The following ZNF507 variants were observed in gnomAD, a reference collection of about 807,000 sequenced individuals.
ZNF507 encodes the protein zinc finger protein 507.
Under a neutral mutation model 80.0 loss-of-function variants are expected in ZNF507, and 29 were observed. That is an observed-to-expected ratio of 0.36 (90% CI 0.27 to 0.49). The LOEUF (loss-of-function observed/expected upper bound fraction) is 0.49. ZNF507 is among the 20% of genes least tolerant of loss of function. The probability of loss-of-function intolerance (pLI) is 0.98; values close to 1 mark genes in which losing one functional copy is unlikely to be tolerated. For synonymous variants in ZNF507, 462 were observed against 422.5 expected (o/e 1.09, Z -1.15); for missense variants, 1,081 against 1,152.2 (o/e 0.94, Z 0.90).
chr19:32,387,612 T>C lies in ZNF507; in HGVS notation c.*4529T>C, dbSNP rs1967706111. 1 of 152,244 alleles carries C rather than the reference T, an allele frequency of 6.6e-6. No individual in the cohort carries two copies. Among genetic ancestry groups the C allele is most frequent in the Non-Finnish European group, 1.5e-5 (1 of 68,044 alleles). 9.4% of individuals were successfully genotyped at this position (152,244 alleles called of 1,614,324 possible). ...AAGAATGGAAATGTATTAACAGTTT[T>C]TTATATTGATTACATGTTGAAATGA... On this transcript the variant is annotated 3_prime_UTR_variant, in exon 7 of 7. Coordinates refer to ENST00000355898, the MANE Select transcript of ZNF507 (RefSeq NM_001136156.2).
In ZNF507 at chr19:32,354,812, G is replaced by A. The variant is rs773257449; in HGVS notation, c.1982G>A (p.Arg661Gln). 27 of 1,614,006 alleles carry A rather than the reference G, an allele frequency of 1.7e-5. No individual in the cohort carries two copies. The highest frequency in any genetic ancestry group is 4.5e-5 in the East Asian group (2 of 44,888). Residue 661 changes from arginine to glutamine, a missense_variant, in exon 3 of 7, where the codon CGA (arginine) becomes CAA (glutamine). Arg to Gln is a conservative substitution (Grantham distance 43). This residue lies in a region of ZNF507 where 614 missense variants were observed against 583.9 expected (regional missense o/e 1.05). Transcript: ENST00000355898. ...GNKGYIKQHL[R>Q]VHRQRQPYQC... ...AAGGGCTACATCAAGCAGCACTTAC[G>A]AGTCCATCGACAGAGACAGCCTTAT...
At chr19:32,370,263 A>G (rs974780235) in intron 5 of ZNF507, among the ~76,000 whole-genome samples, 9 of 152,226 alleles carry the variant, frequency 5.9e-5, no homozygotes, top group Non-Finnish European at 1.0e-4. Context: ...CCTACACAGA[A>G]GAGGGATTTC....
chr19:32,360,402 A>G (rs1967305863), intron 4 of ZNF507, 102 bp from the exon 5 acceptor site: 1 of 546,218 alleles, frequency 1.8e-6, no homozygotes, highest in Non-Finnish European at 3.1e-6. Context: ...TGAAATATTA[A>G]TACAACTGTG....
chr19:32,370,145 C>T (rs1599555139), intron 5 of ZNF507, among the ~76,000 whole-genome samples: 2 of 152,324 alleles, frequency 1.3e-5, no homozygotes, highest in Non-Finnish European at 2.9e-5. Context: ...TTTCTTTATC[C>T]GTTTGTCCGT....
In ZNF507 at chr19:32,354,380, A is replaced by G; in HGVS notation, c.1550A>G (p.His517Arg). ...AAELTRANLG[H>R]YGDINLLDPD... ...GAGTTGACAAGAGCCAACCTGGGGCACTATGGAGATATAAACCTTTTAGAT... is the reference window on the plus strand; with the variant it reads ...GAGTTGACAAGAGCCAACCTGGGGCGCTATGGAGATATAAACCTTTTAGAT... The change falls in exon 3 of 7, where the codon CAC (histidine) becomes CGC (arginine). Residue 517 changes from histidine (H) to arginine (R), a missense_variant. Physicochemically the swap from His to Arg is conservative, Grantham distance 29. This residue lies in a region of ZNF507 where 614 missense variants were observed against 583.9 expected (regional missense o/e 1.05). Coordinates refer to ENST00000355898, the MANE Select transcript of ZNF507 (RefSeq NM_001136156.2). 1 of 1,614,186 alleles carries G rather than the reference A, an allele frequency of 6.2e-7. No homozygotes were observed. Among genetic ancestry groups the G allele is most frequent in the Non-Finnish European group, 8.5e-7 (1 of 1,180,034 alleles).
intron 5 of ZNF507, among the ~76,000 whole-genome samples, chr19:32,363,300 A>C (rs189143619): frequency 1.3e-5 from 2 of 152,252 alleles, no homozygotes; most frequent in African/African-American, 4.8e-5. Context: ...AAGAGCTACA[A>C]GGCCTTGTTG....
At chr19:32,356,873 T>G (rs1478765638) in intron 4 of ZNF507, 140 bp downstream of exon 4, 3 of 668,696 alleles carry the variant, frequency 4.5e-6, no homozygotes, top group Non-Finnish European at 8.0e-6. Context: ...GTGAATCTGA[T>G]CTCTGTTTCT....
intron 5 of ZNF507, among the ~76,000 whole-genome samples, chr19:32,368,833 C>G (rs566204649): frequency 7.9e-5 from 12 of 152,258 alleles, no homozygotes; most frequent in Middle Eastern, 3.4e-3. Flanking sequence ...AAGATAAGCT[C>G]TATTGCAAAA....
At position 32,374,362 on chromosome 19, in the gene ZNF507, T is replaced by G. The variant is rs551886287; in HGVS notation, c.2361-8105T>G. On this transcript the variant is annotated intron_variant, in intron 5 of 6. Transcript: ENST00000355898. ...CGGAATGTTAGTTTTGTGGCTTTAT[T>G]GAGTTATTATTTGTAACAGTTTTTA... 2.2e-3 allele frequency among the ~76,000 whole-genome samples: 331 copies of G among 152,326 alleles called. 2 individuals carry two copies. The highest frequency in any genetic ancestry group is 3.8e-3 in the Non-Finnish European group (258 of 68,026).
intron 5 of ZNF507, among the ~76,000 whole-genome samples, chr19:32,370,072 C>T (rs928785110): frequency 6.6e-6 from 1 of 152,200 alleles, no homozygotes; most frequent in Non-Finnish European, 1.5e-5. Context: ...CTTTTTAAGG[C>T]GGAATGATTG....
rs1272315080 is a variant in ZNF507 at position 32,354,672 on chromosome 19, C to CG, written c.1843dup (p.Ala615GlyfsTer24). 11 of 1,614,010 alleles carry CG rather than the reference C, an allele frequency of 6.8e-6. No homozygotes were observed. The highest frequency in any genetic ancestry group is 8.5e-6 in the Non-Finnish European group (10 of 1,180,042). On this transcript the variant is annotated frameshift_variant, in exon 3 of 7. Transcript: ENST00000355898. LOFTEE classifies it high-confidence loss of function. Reference sequence around the variant, plus strand: ...ACATTTTGAAAGAGTTGCAGGACAACGCCCAGTGCCAACCCAACAGCGATA... The same window carrying CG: ...ACATTTTGAAAGAGTTGCAGGACAACGGCCCAGTGCCAACCCAACAGCGATA...
chr19:32,371,495 ATG>A, intron 5 of ZNF507, among the ~76,000 whole-genome samples: 1 of 150,788 alleles, frequency 6.6e-6, no homozygotes, highest in Non-Finnish European at 1.5e-5. Context: ...AAAAAAAAAA[ATG>A]ACTGTGCCCG....
In ZNF507 at chr19:32,374,169, A is replaced by AACACAC. The variant is rs56820529; in HGVS notation, c.2361-8283_2361-8278dup. On this transcript the variant is annotated intron_variant, in intron 5 of 6. Transcript: ENST00000355898. ...CAGCTCGGAACCGTGCAAAGCAAGGAACACACACACACACACACACTCTCT... is the reference window on the plus strand; with the variant it reads ...CAGCTCGGAACCGTGCAAAGCAAGGAACACACACACACACACACACACACACTCTCT... Among the ~76,000 whole-genome samples, 785 of 149,616 alleles carry AACACAC rather than the reference A, an allele frequency of 5.2e-3. 5 individuals are homozygous for AACACAC. The highest frequency in any genetic ancestry group is 0.014 in the African/African-American group (550 of 40,518).
intron 5 of ZNF507, among the ~76,000 whole-genome samples, chr19:32,377,409 TTCCTAGGTTA>T (rs2145341628): frequency 6.6e-6 from 1 of 152,316 alleles, no homozygotes; most frequent in East Asian, 1.9e-4. Flanking sequence ...GGCCTGGTTT[TTCCTAGGTTA>T]TGATTATAGA....
In ZNF507 at chr19:32,372,232, A is replaced by G. The variant is rs543769166; in HGVS notation, c.2361-10235A>G. Among the ~76,000 whole-genome samples the G allele has an allele frequency of 4.3e-4, 66 of 152,342 alleles. 1 individual carries two copies. The highest frequency in any genetic ancestry group is 1.5e-3 in the African/African-American group (63 of 41,580). On this transcript the variant is annotated intron_variant, in intron 5 of 6. Coordinates refer to ENST00000355898, the MANE Select transcript of ZNF507 (RefSeq NM_001136156.2). ...GATTCTACTTTTGCTTCAGATCTACATATGTACATTAAAAAAGACCAGGAA... is the reference window on the plus strand; with the variant it reads ...GATTCTACTTTTGCTTCAGATCTACGTATGTACATTAAAAAAGACCAGGAA...
rs528239794 is a variant in ZNF507, at chr19:32,380,592, G to A, written c.2361-1875G>A. 1.8e-3 allele frequency: 2,752 copies of A among 1,535,246 alleles called. 3 individuals are homozygous for A. The highest frequency in any genetic ancestry group is 2.2e-3 in the Non-Finnish European group (2,569 of 1,146,572). On this transcript the variant is annotated intron_variant, in intron 5 of 6. Transcript: ENST00000355898. ...TTTGTGCCTCGTTATTGCTGACTGTGTCTCTTATTGGTGTAGGAAAGAGTT... is the reference window on the plus strand; with the variant it reads ...TTTGTGCCTCGTTATTGCTGACTGTATCTCTTATTGGTGTAGGAAAGAGTT...
Position 32,383,225 on chromosome 19 carries a change from C to A in ZNF507, c.*142C>A. 2.7e-6 allele frequency: 3 copies of A among 1,101,734 alleles called. No individual in the cohort carries two copies. The highest frequency in any genetic ancestry group is 3.8e-6 in the Non-Finnish European group (3 of 781,768). The allele number at this position is 1,101,734 out of a possible 1,614,324, so 68.2% of individuals were successfully genotyped here. ...GAAATGACAGATGTGACTTTGGAAC[C>A]AAACTTGTAATAAAAGGAATTCCAA... On this transcript the variant is annotated 3_prime_UTR_variant, in exon 7 of 7. Transcript: ENST00000355898.
intron 5 of ZNF507, among the ~76,000 whole-genome samples, chr19:32,364,081 A>G (rs571116705): frequency 1.4e-4 from 22 of 152,354 alleles, no homozygotes; most frequent in African/African-American, 5.3e-4. Context: ...TGAAGTACCC[A>G]GCATGTTACT....
intron 2 of ZNF507, among the ~76,000 whole-genome samples, chr19:32,351,419 CTGTGTGTGTGTGTGTG>C (rs5823): frequency 9.8e-4 from 52 of 52,840 alleles, no homozygotes; most frequent in South Asian, 5.0e-3. Flanking sequence ...AGCTGGTCAG[CTGTGTGTGTGTGTGTG>C]TGTGTGTGTG....
Sources: allele counts gnomAD v4.1 joint callset (sites outside exome capture counted in the v4.1 genomes callset), GRCh38; gene constraint gnomAD v4.1.1; regional missense constraint gnomAD v4.1.1; transcripts MANE v1.5; gene names NCBI Gene and HGNC (gene_info 2026-07-23, HGNC 2026-07-21).